UBE2D3: variants seen among roughly 807,000 people sequenced by gnomAD.
UBE2D3 encodes the protein ubiquitin conjugating enzyme E2 D3, also known as ubiquitin-conjugating enzyme E2 D3.
UBE2D3 carries 2 observed loss-of-function variants against 22.8 expected under a neutral mutation model. That is an observed-to-expected ratio of 0.09 (90% CI 0.04 to 0.28). The LOEUF (loss-of-function observed/expected upper bound fraction) is 0.28. Among genes scored for constraint, UBE2D3 ranks in the 10% least tolerant of loss-of-function variants. The pLI, the probability that UBE2D3 is intolerant of heterozygous loss-of-function variation, is 1.00. For missense variants in UBE2D3, 27 were observed against 182.5 expected (o/e 0.15, Z 4.91); for synonymous variants, 56 against 60.4 (o/e 0.93, Z 0.34).
upstream of UBE2D3, among the ~76,000 whole-genome samples, chr4:102,829,665 A>C (rs1240103953): frequency 6.6e-6 from 1 of 152,168 alleles, no homozygotes; most frequent in African/African-American, 2.4e-5. Context: ...TATAGTAGTA[A>C]TAGTGGCCAC....
chr4:102,805,898 A>C (rs1324318870), intron 4 of UBE2D3, among the ~76,000 whole-genome samples: 2 of 152,188 alleles, frequency 1.3e-5, no homozygotes, highest in East Asian at 3.8e-4. Context: ...ATAAACCAGG[A>C]TCTCATCATC....
chr4:102,823,789 A>C (rs920111658), intron 2 of UBE2D3, among the ~76,000 whole-genome samples: 2 of 152,242 alleles, frequency 1.3e-5, no homozygotes, highest in South Asian at 4.1e-4. Context: ...AACACAGCTG[A>C]AGCAAAGTAT....
upstream of UBE2D3, among the ~76,000 whole-genome samples, chr4:102,832,110 C>T (rs889434800): frequency 2.0e-5 from 3 of 151,508 alleles, no homozygotes; most frequent in Non-Finnish European, 2.9e-5. Flanking sequence ...ACTCAGCTGG[C>T]GGTGGTCAGG....
intron 1 of UBE2D3, among the ~76,000 whole-genome samples, chr4:102,860,375 ATT>A (rs1405574428): frequency 2.9e-5 from 1 of 34,560 alleles, no homozygotes; most frequent in African/African-American, 2.1e-4. Flanking sequence ...TAGAACTTTA[ATT>A]TATTCCTTTG....
intron 7 of UBE2D3, chr4:102,798,853 A>G: frequency 7.3e-7 from 1 of 1,376,188 alleles, no homozygotes; most frequent in Admixed American, 1.7e-5. Context: ...TAGTTAATAC[A>G]GTGCCTTAAC....
At chr4:102,824,684 T>C (rs1030606262) in intron 2 of UBE2D3, among the ~76,000 whole-genome samples, 1 of 152,182 alleles carries the variant, frequency 6.6e-6, no homozygotes, top group Non-Finnish European at 1.5e-5. Context: ...AGAAAAAAAA[T>C]CAGAGGCCTT....
upstream of UBE2D3, among the ~76,000 whole-genome samples, chr4:102,831,838 G>T (rs774009060): frequency 2.0e-5 from 3 of 152,172 alleles, no homozygotes; most frequent in Non-Finnish European, 4.4e-5. Context: ...GTGATACTTA[G>T]GTCTGAATAG....
intron 4 of UBE2D3, among the ~76,000 whole-genome samples, chr4:102,803,165 C>G (rs1254003198): frequency 6.6e-6 from 1 of 152,152 alleles, no homozygotes; most frequent in Non-Finnish European, 1.5e-5. Flanking sequence ...TGCATTGCCC[C>G]TATTTTATGC....
At chr4:102,868,069 A>ATTTTTTTTTTTTTT (rs1347875621) in intron 1 of UBE2D3, among the ~76,000 whole-genome samples, 3 of 92,288 alleles carry the variant, frequency 3.3e-5, no homozygotes, top group Admixed American at 2.3e-4. Context: ...AAGGCTTTAG[A>ATTTTTTTTTTTTTT]TTCTTTTTTT....
intron 7 of UBE2D3, chr4:102,799,101 T>G (rs1725712133): frequency 1.8e-6 from 2 of 1,113,838 alleles, no homozygotes; most frequent in Non-Finnish European, 2.6e-6. Context: ...GTACTAACAT[T>G]TTTGGAAAAA....
intron 1 of UBE2D3, 135 bp from the exon 2 acceptor site, chr4:102,826,771 GCTT>G: frequency 7.7e-7 from 1 of 1,291,140 alleles, no homozygotes; most frequent in South Asian, 2.2e-5. Context: ...TCTGTACCGT[GCTT>G]TCGGCCCGAA....
intron 2 of UBE2D3, chr4:102,811,780 G>A: frequency 2.2e-6 from 1 of 449,430 alleles, no homozygotes; most frequent in Non-Finnish European, 4.4e-6. Flanking sequence ...CAACAGAGAA[G>A]CAGAGGCGAG....
chr4:102,822,406 A>T (rs1354946103), intron 2 of UBE2D3, among the ~76,000 whole-genome samples: 1 of 152,142 alleles, frequency 6.6e-6, no homozygotes, highest in African/African-American at 2.4e-5. Flanking sequence ...TATTTTGTTC[A>T]CTCTAAGACA....
intron 1 of UBE2D3, among the ~76,000 whole-genome samples, chr4:102,868,312 C>A (rs1437750057): frequency 6.6e-6 from 1 of 151,410 alleles, no homozygotes; most frequent in African/African-American, 2.4e-5. Flanking sequence ...TCGTGATCCA[C>A]CCGCCTCGGC....
At chr4:102,815,438 T>C (rs896169128) in intron 2 of UBE2D3, among the ~76,000 whole-genome samples, 3 of 152,188 alleles carry the variant, frequency 2.0e-5, no homozygotes, top group Admixed American at 2.0e-4. Context: ...GAATACTTCA[T>C]TATAAATAAA....
chr4:102,835,440 T>C (rs1212544433), intron 1 of UBE2D3, among the ~76,000 whole-genome samples: 1 of 152,202 alleles, frequency 6.6e-6, no homozygotes, highest in African/African-American at 2.4e-5. Context: ...TCATGGATAC[T>C]GGAGGATGAC....
chr4:102,818,500 A>G (rs1018606875), intron 2 of UBE2D3, among the ~76,000 whole-genome samples: 1 of 152,224 alleles, frequency 6.6e-6, no homozygotes, highest in Non-Finnish European at 1.5e-5. Context: ...GACCCTCTCA[A>G]AGCTCTCACA....
Position 102,797,318 on chromosome 4 carries a change from C to G in UBE2D3, c.*97G>C. 9.4e-7 allele frequency: 1 copy of G among 1,061,840 alleles called. No homozygotes were observed. Among genetic ancestry groups the G allele is most frequent in the South Asian group, 1.5e-5 (1 of 66,586 alleles). The allele number at this position is 1,061,840 out of a possible 1,614,324, so 65.8% of individuals were successfully genotyped here. ...AAAATAAAATTAAAAAAGATGAGGTCTGATAGGGGAGCAGCCGGATAAGAA... is the reference window on the plus strand; with the variant it reads ...AAAATAAAATTAAAAAAGATGAGGTGTGATAGGGGAGCAGCCGGATAAGAA... On this transcript the variant is annotated 3_prime_UTR_variant, in exon 8 of 8. Coordinates refer to ENST00000453744, the MANE Select transcript of UBE2D3 (RefSeq NM_181891.3).
At chr4:102,823,136 T>G (rs965831477) in intron 2 of UBE2D3, among the ~76,000 whole-genome samples, 3 of 152,194 alleles carry the variant, frequency 2.0e-5, no homozygotes, top group African/African-American at 7.2e-5. Context: ...TAGATGAGAC[T>G]GCATTGTCTT....
Sources: gnomAD v4.1 joint callset for allele counts (sites outside exome capture counted in the v4.1 genomes callset) on GRCh38, gnomAD v4.1.1 for gene constraint, MANE v1.5 for transcripts, NCBI Gene and HGNC (gene_info 2026-07-23, HGNC 2026-07-21) for gene names.